Variants in DIS3L2 observed in about 807,000 individuals in gnomAD.
DIS3L2 encodes the protein DIS3-like exonuclease 2.
DIS3L2 carries 34 observed loss-of-function variants against 97.5 expected under a neutral mutation model. That is an observed-to-expected ratio of 0.35 (90% CI 0.27 to 0.46). The LOEUF is 0.46. Ranked by LOEUF, DIS3L2 falls within the 20% of genes least tolerant of loss-of-function variation. The probability of loss-of-function intolerance (pLI) is 1.00; values close to 1 mark genes in which losing one functional copy is unlikely to be tolerated. For synonymous variants in DIS3L2, 435 were observed against 445.2 expected (o/e 0.98, Z 0.29); for missense variants, 1,038 against 1,146.0 (o/e 0.91, Z 1.36).
intron 5 of DIS3L2, among the ~76,000 whole-genome samples, chr2:232,054,522 G>A (rs1574840701): frequency 6.6e-6 from 1 of 152,270 alleles, no homozygotes; most frequent in Non-Finnish European, 1.5e-5. Context: ...ATTCATTAGG[G>A]AAAGAACAAC....
rs771939630 is a variant in DIS3L2, at chr2:232,276,670, A to G, written c.1659+13230A>G. Among the ~76,000 whole-genome samples the G allele has an allele frequency of 6.6e-6, 1 of 152,200 alleles. No homozygotes were observed. The highest frequency in any genetic ancestry group is 1.5e-5 in the Non-Finnish European group (1 of 68,022). ...CTGTTTATTTGAACATCTCCTGCGCAACAAGAGAATGTAGTGATCAAGAGC... is the reference window on the plus strand; with the variant it reads ...CTGTTTATTTGAACATCTCCTGCGCGACAAGAGAATGTAGTGATCAAGAGC... On this transcript the variant is annotated intron_variant, in intron 13 of 20. Transcript: ENST00000325385. The surrounding 1 kb of genome is among the most constrained non-coding windows in gnomAD (Gnocchi z 4.4).
rs1244804772 is a variant in DIS3L2 at position 232,343,536 on chromosome 2, GATAAGAGTAGAGGAGCAGACAACCC to G, written c.1775_1799del (p.Ile592SerfsTer23). 1.3e-6 allele frequency: 2 copies of G among 1,563,362 alleles called. No individual in the cohort carries two copies. The highest frequency in any genetic ancestry group is 1.7e-6 in the Non-Finnish European group (2 of 1,153,882). ...TATTGGAAGCAAAGCCCCAAAACAC[GATAAGAGTAGAGGAGCAGACAACCC>G]AGTTGCAGATTTGAAGAAGCATGTG... On this transcript the variant is annotated frameshift_variant, in exon 14 of 14. Coordinates refer to the DIS3L2 transcript ENST00000273009. LOFTEE classifies it high-confidence loss of function.
intron 5 of DIS3L2, among the ~76,000 whole-genome samples, chr2:232,079,009 G>T (rs1385252134): frequency 6.6e-6 from 1 of 152,198 alleles, no homozygotes; most frequent in Admixed American, 6.5e-5. Flanking sequence ...GCCATCTCTG[G>T]CTGTTTATTT....
intron 15 of DIS3L2, 47 bp from the exon 16 acceptor site, chr2:232,330,643 C>T (rs1363310553): frequency 2.5e-6 from 4 of 1,595,172 alleles, no homozygotes; most frequent in Non-Finnish European, 2.6e-6. Context: ...AGAGTCTCTG[C>T]CCGAGCTGGA....
intron 12 of DIS3L2, 71 bp downstream of exon 12, chr2:232,249,417 G>A: frequency 6.7e-7 from 1 of 1,495,170 alleles, no homozygotes; most frequent in Non-Finnish European, 9.2e-7. Flanking sequence ...CACTCACCAT[G>A]TGCCTGGCAC....
At chr2:232,155,170 G>T (rs973262361) in intron 8 of DIS3L2, among the ~76,000 whole-genome samples, 1 of 142,412 alleles carries the variant, frequency 7.0e-6, no homozygotes, top group Non-Finnish European at 1.5e-5. Context: ...CTTCTGCGTC[G>T]CTCACGCTGG....
chr2:232,023,277 A>C (rs565360953), intron 3 of DIS3L2: 61 of 152,330 alleles, frequency 4.0e-4, no homozygotes, highest in African/African-American at 1.4e-3. Context: ...GATCATTTGT[A>C]GTAGTCTATT....
At position 232,249,338 on chromosome 2, in the gene DIS3L2, G is replaced by A; in HGVS notation, c.1417G>A (p.Glu473Lys). Residue 473 changes from glutamate to lysine, a missense_variant, in exon 12 of 21, where the codon GAG (glutamate) becomes AAG (lysine). Glu to Lys is a moderately conservative substitution (Grantham distance 56). Around this residue, in one of 3 missense-constraint regions of DIS3L2, gnomAD observed 813 missense variants for 880.1 expected, o/e 0.92. Transcript: ENST00000325385. ...TFSVIWTLTP[E>K]GKILDEWFGR... Reference sequence around the variant, plus strand: ...CTCTGTGATCTGGACACTGACTCCAGAGGGCAAGGTAACAACTTACACGTT... The same window carrying A: ...CTCTGTGATCTGGACACTGACTCCAAAGGGCAAGGTAACAACTTACACGTT... 6 of 1,614,178 alleles carry A rather than the reference G, an allele frequency of 3.7e-6. No homozygotes were observed. Among genetic ancestry groups the A allele is most frequent in the Non-Finnish European group, 5.1e-6 (6 of 1,180,036 alleles).
chr2:232,090,999 C>T (rs1331316029), intron 6 of DIS3L2, among the ~76,000 whole-genome samples: 1 of 152,210 alleles, frequency 6.6e-6, no homozygotes, highest in Non-Finnish European at 1.5e-5. Flanking sequence ...AGGACGACTA[C>T]ACAGGTCTGC....
intron 6 of DIS3L2, among the ~76,000 whole-genome samples, chr2:232,120,999 TA>T (rs1040061927): frequency 3.9e-5 from 6 of 151,990 alleles, no homozygotes; most frequent in Admixed American, 1.3e-4. Context: ...TCCCTTATCT[TA>T]AAAAAATAAA....
intron 8 of DIS3L2, among the ~76,000 whole-genome samples, chr2:232,146,216 C>A (rs1690213925): frequency 6.6e-6 from 1 of 152,094 alleles, no homozygotes; most frequent in Non-Finnish European, 1.5e-5. Context: ...AGTTCCATGT[C>A]AGTGTGTAGT....
At chr2:232,320,817 A>G (rs1695411177) in intron 14 of DIS3L2, among the ~76,000 whole-genome samples, 1 of 152,202 alleles carries the variant, frequency 6.6e-6, no homozygotes, top group Non-Finnish European at 1.5e-5. Context: ...GGATACATAG[A>G]TGGGCACGGC....
At chr2:232,095,420 G>A (rs756382468) in intron 6 of DIS3L2, among the ~76,000 whole-genome samples, 31 of 152,064 alleles carry the variant, frequency 2.0e-4, no homozygotes, top group Non-Finnish European at 2.8e-4. Flanking sequence ...AAATAAATAA[G>A]CAAAAAGAAA....
chr2:232,340,175 A>G (rs553591933), downstream of DIS3L2, among the ~76,000 whole-genome samples: 63 of 152,350 alleles, frequency 4.1e-4, no homozygotes, highest in Non-Finnish European at 4.4e-4. Context: ...TCCATACCGC[A>G]TGGCAGGTGA....
At chr2:232,335,590 C>G in intron 19 of DIS3L2, 183 bp from the exon 20 acceptor site, 1 of 660,888 alleles carries the variant, frequency 1.5e-6, no homozygotes, top group Non-Finnish European at 2.6e-6. Context: ...CCCTTGGTCA[C>G]TCTCACCTGC....
chr2:232,051,076 C>A (rs1316955278), intron 5 of DIS3L2, among the ~76,000 whole-genome samples: 1 of 152,222 alleles, frequency 6.6e-6, no homozygotes, highest in African/African-American at 2.4e-5. Context: ...TCCCAAGTCT[C>A]AACTGGTAAG....
intron 6 of DIS3L2, among the ~76,000 whole-genome samples, chr2:232,112,016 A>G (rs1227137843): frequency 2.0e-5 from 3 of 152,184 alleles, no homozygotes; most frequent in Non-Finnish European, 2.9e-5. Flanking sequence ...TTGATGTGTA[A>G]GTCAGTTGGA....
At chr2:232,309,034 C>A (rs1014507478) in intron 14 of DIS3L2, among the ~76,000 whole-genome samples, 5 of 152,148 alleles carry the variant, frequency 3.3e-5, no homozygotes, top group Non-Finnish European at 5.9e-5. Context: ...CCGGGGCTTC[C>A]TTCACCTTAC....
chr2:232,286,843 C>A (rs888418406), intron 13 of DIS3L2, among the ~76,000 whole-genome samples: 2 of 152,092 alleles, frequency 1.3e-5, no homozygotes, highest in South Asian at 4.1e-4. Flanking sequence ...TGCAGTGGCA[C>A]AATCTTGGCT....
Sources: gnomAD v4.1 joint callset for allele counts (sites outside exome capture counted in the v4.1 genomes callset) on GRCh38, gnomAD v4.1.1 for gene constraint, gnomAD v4.1.1 regional missense constraint, Gnocchi (gnomAD v3.1) non-coding constraint, MANE v1.5 for transcripts, NCBI Gene and HGNC (gene_info 2026-07-23, HGNC 2026-07-21) for gene names.